Variants in PDE1C observed in about 807,000 individuals in gnomAD.
PDE1C encodes phosphodiesterase 1C.
In PDE1C, 62 loss-of-function variants were observed where a neutral mutation model predicts 93.1. The observed-to-expected ratio is 0.67, with a 90% CI of 0.54 to 0.82. The LOEUF (loss-of-function observed/expected upper bound fraction) is 0.82, where lower values mean the gene tolerates loss of function less well. Ranked by LOEUF, PDE1C falls within the 40% of genes least tolerant of loss-of-function variation. The pLI, the probability that PDE1C is intolerant of heterozygous loss-of-function variation, is 0.00. For missense variants in PDE1C, 742 were observed against 884.6 expected (o/e 0.84, Z 2.04); for synonymous variants, 325 against 310.1 (o/e 1.05, Z -0.50).
chr7:32,317,604 TTA>T (rs1270516746), intron 1 of PDE1C, among the ~76,000 whole-genome samples: 1 of 152,018 alleles, frequency 6.6e-6, no homozygotes, highest in African/African-American at 2.4e-5. Context: ...TTTTACATTA[TTA>T]GTGTCATTTT....
intron 1 of PDE1C, among the ~76,000 whole-genome samples, chr7:32,427,713 CGA>C (rs1785562623): frequency 6.6e-6 from 1 of 152,208 alleles, no homozygotes; most frequent in Non-Finnish European, 1.5e-5. Context: ...GTTATGGACA[CGA>C]GGACGAGAAA....
chr7:31,755,384 G>A (rs1376929618), intron 17 of PDE1C, among the ~76,000 whole-genome samples: 2 of 152,092 alleles, frequency 1.3e-5, no homozygotes, highest in Non-Finnish European at 2.9e-5. Flanking sequence ...TAGGACCAAC[G>A]AAGTCACTAC....
At chr7:32,400,099 T>C (rs776841127) in intron 1 of PDE1C, among the ~76,000 whole-genome samples, 6 of 152,208 alleles carry the variant, frequency 3.9e-5, no homozygotes, top group African/African-American at 7.2e-5. Context: ...ATTTCATTGT[T>C]CCTTCCTCTG....
chr7:32,261,435 A>C (rs1171075019), intron 1 of PDE1C, among the ~76,000 whole-genome samples: 3 of 151,772 alleles, frequency 2.0e-5, no homozygotes, highest in Non-Finnish European at 4.4e-5. Flanking sequence ...ATCTTTAAAA[A>C]CTCTGATCCT....
Position 32,316,099 on chromosome 7 carries a change from A to G in PDE1C, c.311-106560T>C, listed in dbSNP as rs562952251. 2.6e-5 allele frequency among the ~76,000 whole-genome samples: 4 copies of G among 152,286 alleles called. No homozygotes were observed. In the South Asian group the frequency reaches 8.3e-4, roughly 32 times the overall value. ...ATCTGATATTCTCACTAGACTGTAA[A>G]CCTCATGAGGGCTGTGTCCGTTTTG... On this transcript the variant is annotated intron_variant, in intron 1 of 1. Coordinates refer to the PDE1C transcript ENST00000672256.
At chr7:32,048,981 C>T (rs1792985038) in intron 2 of PDE1C, among the ~76,000 whole-genome samples, 1 of 152,174 alleles carries the variant, frequency 6.6e-6, no homozygotes, top group Non-Finnish European at 1.5e-5. Context: ...TGAACCTTGA[C>T]AGGTTTGAGC....
chr7:31,939,989 C>T (rs886363450), intron 2 of PDE1C, among the ~76,000 whole-genome samples: 1 of 152,164 alleles, frequency 6.6e-6, no homozygotes, highest in African/African-American at 2.4e-5. Flanking sequence ...ACTAGGAAAT[C>T]TCCCCAAACT....
the PDE1C span, among the ~76,000 whole-genome samples, chr7:31,731,668 G>A: frequency 2.0e-5 from 3 of 152,280 alleles, no homozygotes; most frequent in African/African-American, 7.2e-5. Flanking sequence ...GATGACAGGC[G>A]TGAGCCACTG....
At chr7:32,175,192 T>C (rs1296515062) in intron 2 of PDE1C, among the ~76,000 whole-genome samples, 3 of 152,182 alleles carry the variant, frequency 2.0e-5, no homozygotes, top group Non-Finnish European at 4.4e-5. Flanking sequence ...CTTCATCTTC[T>C]AAAAAGGCTA....
intron 15 of PDE1C, among the ~76,000 whole-genome samples, chr7:31,813,027 T>C (rs769799986): frequency 1.3e-5 from 2 of 152,174 alleles, no homozygotes; most frequent in Non-Finnish European, 2.9e-5. Flanking sequence ...TTAGAACTTT[T>C]ACATGATTTA....
chr7:31,848,175 C>T, intron 8 of PDE1C, 79 bp from the exon 9 acceptor site: 1 of 1,402,028 alleles, frequency 7.1e-7, no homozygotes, highest in Non-Finnish European at 9.9e-7. Flanking sequence ...CTAGAACGCA[C>T]CACCACTTTT....
rs1039903355 is a variant in PDE1C at position 32,306,686 on chromosome 7, A to T, written c.311-97147T>A. 4.6e-5 allele frequency among the ~76,000 whole-genome samples: 7 copies of T among 152,216 alleles called. No homozygotes were observed. The South Asian group carries it at 1.4e-3, about 32-fold the overall frequency. ...ACTCCCTGTCGCTGTAGAAAAATTGATACTTAGAATAAAGTAAAAACCCCT... is the reference window on the plus strand; with the variant it reads ...ACTCCCTGTCGCTGTAGAAAAATTGTTACTTAGAATAAAGTAAAAACCCCT... On this transcript the variant is annotated intron_variant, in intron 1 of 1. Coordinates refer to the PDE1C transcript ENST00000672256.
chr7:32,415,249 G>A (rs1025750179), intron 1 of PDE1C, among the ~76,000 whole-genome samples: 4 of 152,100 alleles, frequency 2.6e-5, no homozygotes, highest in East Asian at 1.9e-4. Flanking sequence ...TCAGTAGTTC[G>A]AGACCAACCT....
chr7:31,949,530 C>T (rs1341806420), intron 2 of PDE1C, among the ~76,000 whole-genome samples: 1 of 152,122 alleles, frequency 6.6e-6, no homozygotes, highest in East Asian at 1.9e-4. Context: ...TATGTTTTCA[C>T]TTTTTATTTC....
At chr7:31,680,128 C>T in the PDE1C span, among the ~76,000 whole-genome samples, 2 of 152,138 alleles carry the variant, frequency 1.3e-5, no homozygotes. Flanking sequence ...TCAGAGAAGC[C>T]GTGACCAAAT....
In PDE1C at chr7:32,182,139, GA is replaced by G. The variant is rs564964105; in HGVS notation, c.137-12184del. On this transcript the variant is annotated intron_variant, in intron 2 of 18. Transcript: ENST00000396193. ...TCTGAATAGACCAATAACAGGCTCT[GA>G]AGTTGAGGCAATAATTAATAGCTTA... Among the ~76,000 whole-genome samples the G allele has an allele frequency of 4.2e-3, 637 of 152,314 alleles. 6 individuals are homozygous for G. Among genetic ancestry groups the G allele is most frequent in the African/African-American group, 0.015 (607 of 41,572 alleles).
At chr7:31,627,948 A>C in the PDE1C span, among the ~76,000 whole-genome samples, 2 of 152,212 alleles carry the variant, frequency 1.3e-5, no homozygotes, top group Non-Finnish European at 2.9e-5. Flanking sequence ...AGAGAGTTTT[A>C]GAAAGGGGCT....
chr7:31,992,270 C>T (rs1379772277), intron 2 of PDE1C, among the ~76,000 whole-genome samples: 1 of 152,152 alleles, frequency 6.6e-6, no homozygotes, highest in African/African-American at 2.4e-5. Flanking sequence ...CCCAAGGGAC[C>T]ACACCAGGAG....
At chr7:31,945,780 T>C (rs928376668) in intron 2 of PDE1C, among the ~76,000 whole-genome samples, 1 of 152,176 alleles carries the variant, frequency 6.6e-6, no homozygotes, top group Non-Finnish European at 1.5e-5. Context: ...TTCTCTTTCC[T>C]CTCCTTCAGA....
Sources: gnomAD v4.1 joint callset for allele counts (sites outside exome capture counted in the v4.1 genomes callset) on GRCh38, gnomAD v4.1.1 for gene constraint, MANE v1.5 for transcripts, NCBI Gene and HGNC (gene_info 2026-07-23, HGNC 2026-07-21) for gene names.